CTDSP2: variants seen among roughly 807,000 people sequenced by gnomAD.
CTDSP2 encodes the protein CTD small phosphatase 2, also known as carboxy-terminal domain RNA polymerase II polypeptide A small phosphatase 2.
In CTDSP2, 9 loss-of-function variants were observed where a neutral mutation model predicts 31.6. That is an observed-to-expected ratio of 0.28 (90% CI 0.17 to 0.50). The LOEUF is 0.50. Among genes scored for constraint, CTDSP2 ranks in the 20% least tolerant of loss-of-function variants. The pLI is 0.98. For synonymous variants in CTDSP2, 134 were observed against 134.5 expected, an observed-to-expected ratio of 1.00 and a Z score of 0.03; for missense variants, 267 against 348.5, an observed-to-expected ratio of 0.77 and a Z score of 1.86.
In CTDSP2 at chr12:57,821,995, G is replaced by A. The variant is rs1425344039; in HGVS notation, c.*1607C>T. 8 of 152,220 alleles carry A rather than the reference G, an allele frequency of 5.3e-5. No individual in the cohort carries two copies. Among genetic ancestry groups the A allele is most frequent in the African/African-American group, 1.9e-4 (8 of 41,422 alleles). 9.4% of individuals were successfully genotyped at this position (152,220 alleles called of 1,614,324 possible). A position where few individuals can be genotyped will look rare whatever the true frequency, so the allele number is the denominator to read the frequency against. On this transcript the variant is annotated 3_prime_UTR_variant, in exon 8 of 8. Coordinates refer to ENST00000398073, the MANE Select transcript of CTDSP2 (RefSeq NM_005730.4). ...GTGTGGCAATGGAAGGGATGATGGGGAAGAGTCCTGAGTGGGTGGTGTCCC... is the reference window on the plus strand; with the variant it reads ...GTGTGGCAATGGAAGGGATGATGGGAAAGAGTCCTGAGTGGGTGGTGTCCC...
chr12:57,836,892 C>CT (rs992616327), intron 1 of CTDSP2, among the ~76,000 whole-genome samples: 39 of 152,188 alleles, frequency 2.6e-4, no homozygotes, highest in Non-Finnish European at 2.1e-4. Context: ...AAGTTGCTTT[C>CT]TTTTTTGGTT....
Position 57,823,570 on chromosome 12 carries a change from C to A in CTDSP2, c.*32G>T, listed in dbSNP as rs202046034. On this transcript the variant is annotated 3_prime_UTR_variant, in exon 8 of 8. Transcript: ENST00000398073. ...AGGCACAGTGTGGGAAAGTCCCCTA[C>A]TGGGATGGCCGTCGCTTGGAAGCAG... is the stretch of plus-strand genomic sequence containing the variant. 112 of 1,611,622 alleles carry A rather than the reference C, an allele frequency of 6.9e-5. No homozygotes were observed. The highest frequency in any genetic ancestry group is 9.1e-5 in the Non-Finnish European group (107 of 1,179,416).
chr12:57,837,051 G>A (rs919468123), intron 1 of CTDSP2: 15 of 152,154 alleles, frequency 9.9e-5, no homozygotes, highest in South Asian at 6.2e-4. Flanking sequence ...GAGCATTTCC[G>A]GCCCTTCTTG....
At chr12:57,846,176 G>A (rs1956314605) in intron 1 of CTDSP2, among the ~76,000 whole-genome samples, 196 bp downstream of exon 1, 1 of 152,210 alleles carries the variant, frequency 6.6e-6, no homozygotes, top group African/African-American at 2.4e-5. Flanking sequence ...TTCCGCTCGG[G>A]CGCCGGGATC....
chr12:57,829,975 C>G (rs1358161442), intron 1 of CTDSP2, among the ~76,000 whole-genome samples: 1 of 152,146 alleles, frequency 6.6e-6, no homozygotes, highest in Non-Finnish European at 1.5e-5. Flanking sequence ...ACCATCGGTT[C>G]CAGACAACGG....
intron 2 of CTDSP2, among the ~76,000 whole-genome samples, chr12:57,828,839 T>C (rs551881394): frequency 6.6e-6 from 1 of 152,352 alleles, no homozygotes; most frequent in East Asian, 1.9e-4. Flanking sequence ...TGGCCCCACC[T>C]GTGAAATACT....
chr12:57,832,222 TG>T (rs1367086364), intron 1 of CTDSP2, among the ~76,000 whole-genome samples: 1 of 152,222 alleles, frequency 6.6e-6, no homozygotes, highest in African/African-American at 2.4e-5. Context: ...AGAAAATGAC[TG>T]GGGCTTTCCA....
At position 57,846,569 on chromosome 12, in the gene CTDSP2, C is replaced by T. The variant is rs931706781; in HGVS notation, c.-134G>A. 3.1e-5 allele frequency: 21 copies of T among 682,560 alleles called. No homozygotes were observed. In the Middle Eastern group the frequency reaches 1.8e-3, roughly 57 times the overall value. 42.3% of individuals were successfully genotyped at this position (682,560 alleles called of 1,614,324 possible). A position where few individuals can be genotyped will look rare whatever the true frequency, so the allele number is the denominator to read the frequency against. ...GACTTCCACAGCTGTTCACATCCCC[C>T]CTCTCGTTTCCTCCCCGGACCGGGA... On this transcript the variant is annotated 5_prime_UTR_variant, in exon 1 of 8. Transcript: ENST00000398073.
At chr12:57,844,965 A>G (rs1335557508) in intron 1 of CTDSP2, among the ~76,000 whole-genome samples, 1 of 139,066 alleles carries the variant, frequency 7.2e-6, no homozygotes, top group Non-Finnish European at 1.6e-5. Flanking sequence ...GGCTGACACC[A>G]CCAACTCAGC....
intron 2 of CTDSP2, 103 bp downstream of exon 2, chr12:57,829,345 T>C: frequency 7.3e-7 from 1 of 1,374,064 alleles, no homozygotes; most frequent in Non-Finnish European, 1.0e-6. Flanking sequence ...CAGAAATCTT[T>C]GCAACTTCAG....
intron 4 of CTDSP2, among the ~76,000 whole-genome samples, chr12:57,826,705 G>C (rs1017351130): frequency 4.1e-4 from 62 of 152,212 alleles, no homozygotes; most frequent in Admixed American, 3.8e-3. Context: ...GGCCTGCCCT[G>C]TACAGAGCCC....
chr12:57,837,912 G>A (rs141367313), intron 1 of CTDSP2, among the ~76,000 whole-genome samples: 8 of 152,118 alleles, frequency 5.3e-5, no homozygotes, highest in Non-Finnish European at 4.4e-5. Flanking sequence ...GCCACCTGTG[G>A]GGCGAGGGTC....
intron 4 of CTDSP2, 98 bp downstream of exon 4, chr12:57,826,898 C>G (rs1956185835): frequency 3.1e-6 from 3 of 959,080 alleles, no homozygotes; most frequent in Non-Finnish European, 4.8e-6. Flanking sequence ...CTTCTAATCA[C>G]TCTTCTTTCC....
chr12:57,834,951 C>T (rs1038276464), intron 1 of CTDSP2, among the ~76,000 whole-genome samples: 7 of 152,200 alleles, frequency 4.6e-5, no homozygotes, highest in East Asian at 3.9e-4. Flanking sequence ...GGAGAAACCC[C>T]GTCTCTACTA....
At chr12:57,837,290 G>A (rs1343641357) in intron 1 of CTDSP2, 1 of 152,294 alleles carries the variant, frequency 6.6e-6, no homozygotes, top group Non-Finnish European at 1.5e-5. Context: ...ACAATGGGGA[G>A]GGTGTACTGC....
In CTDSP2 at chr12:57,846,421, G is replaced by A; in HGVS notation, c.15C>T (p.Ser5=). 6.2e-7 allele frequency: 1 copy of A among 1,606,206 alleles called. No individual in the cohort carries two copies. The highest frequency in any genetic ancestry group is 2.2e-5 in the East Asian group (1 of 44,514). The stretch of plus-strand genomic sequence containing the variant: ...CTTCCCTCCGCGCCTGGGTGATGAT[G>A]GAGCCGTGTTCCATCTAACAATCCC... The part of the protein sequence containing the change: MEHG[S]IITQARREDA... The change falls in exon 1 of 8, where the codon TCC becomes TCT. Residue 5 remains serine (S), a synonymous_variant. Transcript: ENST00000398073.
Position 57,824,838 on chromosome 12 carries a change from G to A in CTDSP2, c.412-519C>T, listed in dbSNP as rs548486133. ...CCCTGCCGAGTCTTGCTCTGCACCC[G>A]ATCTTGTGCTTGCTTCTGCCAGCCA... On this transcript the variant is annotated intron_variant, in intron 5 of 7. Coordinates refer to ENST00000398073, the MANE Select transcript of CTDSP2 (RefSeq NM_005730.4). The A allele has an allele frequency of 1.1e-4, 41 of 359,210 alleles. No homozygotes were observed. The East Asian group carries it at 2.1e-3, about 19-fold the overall frequency. 22.3% of individuals were successfully genotyped at this position (359,210 alleles called of 1,614,324 possible).
At position 57,831,383 on chromosome 12, in the gene CTDSP2, G is replaced by A. The variant is rs111526238; in HGVS notation, c.65-1787C>T. Among the ~76,000 whole-genome samples, 230 of 152,198 alleles carry A rather than the reference G, an allele frequency of 1.5e-3. 2 individuals carry two copies. Among genetic ancestry groups the A allele is most frequent in the African/African-American group, 5.3e-3 (219 of 41,554 alleles). On this transcript the variant is annotated intron_variant, in intron 1 of 7. Coordinates refer to ENST00000398073, the MANE Select transcript of CTDSP2 (RefSeq NM_005730.4). ...CAGGAGAACTGCTTGAACCCAGGAG[G>A]TGGAAGTCGCAGTGAGCCGAGATCA... is the stretch of plus-strand genomic sequence containing the variant.
At chr12:57,827,429 G>T in intron 3 of CTDSP2, 123 bp downstream of exon 3, 1 of 1,056,474 alleles carries the variant, frequency 9.5e-7, no homozygotes, top group Non-Finnish European at 1.4e-6. Context: ...GGAACAAATG[G>T]CTTCCCAGGT....
Sources: allele counts gnomAD v4.1 joint callset (sites outside exome capture counted in the v4.1 genomes callset), GRCh38; gene constraint gnomAD v4.1.1; transcripts MANE v1.5; gene names NCBI Gene and HGNC (gene_info 2026-07-23, HGNC 2026-07-21).